The following ATP8A1 variants were observed in gnomAD, a reference collection of about 807,000 sequenced individuals.
ATP8A1 encodes ATPase phospholipid transporting 8A1.
In ATP8A1, 90 loss-of-function variants were observed where a neutral mutation model predicts 177.7. The observed-to-expected ratio is 0.51, with a 90% CI of 0.43 to 0.60. ATP8A1 has a LOEUF of 0.60. ATP8A1 is among the 20% of genes least tolerant of loss of function. The pLI is 0.00. For synonymous variants in ATP8A1, 493 were observed against 485.9 expected (o/e 1.01, Z -0.19); for missense variants, 1,072 against 1,392.8 (o/e 0.77, Z 3.67).
At chr4:42,545,919 A>T (rs1041104333) in intron 19 of ATP8A1, among the ~76,000 whole-genome samples, 3 of 152,140 alleles carry the variant, frequency 2.0e-5, no homozygotes, top group African/African-American at 7.2e-5. Context: ...GGTTGCAGTG[A>T]GCTGAGATCG....
chr4:42,552,736 C>G, intron 16 of ATP8A1, 126 bp from the exon 17 acceptor site: 1 of 636,848 alleles, frequency 1.6e-6, no homozygotes, highest in Non-Finnish European at 2.6e-6. Context: ...ACCTGTAATC[C>G]CAGCACTTTG....
chr4:42,555,842 C>CTAAA (rs145505019), intron 16 of ATP8A1, 126 bp downstream of exon 16: 169,689 of 574,384 alleles, frequency 0.3, 28,234 homozygotes, highest in East Asian at 0.38. Flanking sequence ...AACTAACTAA[C>CTAAA]TAAATAAATA....
chr4:42,588,996 G>C (rs10022112), intron 7 of ATP8A1, among the ~76,000 whole-genome samples: 84,542 of 152,028 alleles, frequency 0.56, 23,900 homozygotes, highest in South Asian at 0.66. Context: ...ACTAAAATCA[G>C]TCAGCTAGGC....
intron 25 of ATP8A1, among the ~76,000 whole-genome samples, chr4:42,473,819 TG>T (rs1486208396): frequency 1.4e-4 from 14 of 99,090 alleles, no homozygotes; most frequent in Non-Finnish European, 1.7e-4. Context: ...CTAATTTTTG[TG>T]TTTTTTTTTT....
At chr4:42,619,639 T>G (rs1225623914) in intron 4 of ATP8A1, among the ~76,000 whole-genome samples, 2 of 151,094 alleles carry the variant, frequency 1.3e-5, no homozygotes, top group Non-Finnish European at 3.0e-5. Flanking sequence ...TTTTAAAATT[T>G]TAAATCTATA....
intron 19 of ATP8A1, among the ~76,000 whole-genome samples, chr4:42,546,123 C>T (rs2153208074): frequency 6.6e-6 from 1 of 152,178 alleles, no homozygotes; most frequent in East Asian, 1.9e-4. Flanking sequence ...CTGTGAACCT[C>T]CTCTCATCTC....
At position 42,656,938 on chromosome 4, in the gene ATP8A1, G is replaced by T. The variant is rs1007177767; in HGVS notation, c.-65C>A. 1.6e-5 allele frequency: 23 copies of T among 1,425,028 alleles called. No homozygotes were observed. Among genetic ancestry groups the T allele is most frequent in the Middle Eastern group, 2.0e-4 (1 of 5,006 alleles). 88.3% of individuals were successfully genotyped at this position (1,425,028 alleles called of 1,614,324 possible). A position where few individuals can be genotyped will look rare whatever the true frequency, so the allele number is the denominator to read the frequency against. On this transcript the variant is annotated 5_prime_UTR_variant, in exon 1 of 37. Coordinates refer to ENST00000381668, the MANE Select transcript of ATP8A1 (RefSeq NM_006095.2). ...GCACCTGTCACGGCGTGGTACACGC[G>T]GGAGACCCGGCTGCGCCGCGCAGAG...
In ATP8A1 at chr4:42,419,977, C is replaced by T. The variant is rs995039743; in HGVS notation, c.3305+2830G>A. 5.3e-5 allele frequency among the ~76,000 whole-genome samples: 8 copies of T among 150,798 alleles called. No individual in the cohort carries two copies. In the South Asian group the frequency reaches 1.7e-3, roughly 32 times the overall value. ...GAGATTGTGCCATTGCACTCCAGCC[C>T]GGGTGACAGTGCAAGACTCCGTCTC... is the stretch of plus-strand genomic sequence containing the variant. On this transcript the variant is annotated intron_variant, in intron 35 of 36. Coordinates refer to ENST00000381668, the MANE Select transcript of ATP8A1 (RefSeq NM_006095.2).
chr4:42,425,610 A>T (rs902098106), intron 33 of ATP8A1, among the ~76,000 whole-genome samples: 1 of 152,132 alleles, frequency 6.6e-6, no homozygotes, highest in Non-Finnish European at 1.5e-5. Context: ...TCCTTTCTGT[A>T]TAAGAAAGCT....
intron 25 of ATP8A1, among the ~76,000 whole-genome samples, chr4:42,482,908 C>A (rs1721840902): frequency 6.6e-6 from 1 of 152,050 alleles, no homozygotes; most frequent in Admixed American, 6.6e-5. Context: ...GCCCATAAAG[C>A]CAGTATGAAC....
chr4:42,569,499 A>C (rs1392212012), intron 14 of ATP8A1, among the ~76,000 whole-genome samples: 2 of 152,210 alleles, frequency 1.3e-5, no homozygotes, highest in Admixed American at 6.5e-5. Flanking sequence ...GAATTATTTC[A>C]ACTTAGCAGT....
At position 42,575,703 on chromosome 4, in the gene ATP8A1, T is replaced by C. The variant is rs754294393; in HGVS notation, c.1129-4A>G. 18 of 1,610,730 alleles carry C rather than the reference T, an allele frequency of 1.1e-5. No individual in the cohort carries two copies. The African/African-American group carries it at 2.3e-4, about 20-fold the overall frequency. On this transcript the variant is annotated splice_polypyrimidine_tract_variant and splice_region_variant and intron_variant, in intron 12 of 36. Transcript: ENST00000381668. Reference sequence around the variant, plus strand: ...GTTCATAGTGCATGTCAAGATCCTTTAATAAAATTAAGTAAATCATTGAAC... The same window carrying C: ...GTTCATAGTGCATGTCAAGATCCTTCAATAAAATTAAGTAAATCATTGAAC...
At chr4:42,530,443 C>T (rs1727147972) in intron 20 of ATP8A1, among the ~76,000 whole-genome samples, 1 of 152,234 alleles carries the variant, frequency 6.6e-6, no homozygotes. Flanking sequence ...CCAAGACTAC[C>T]ATCTGTGGAC....
intron 30 of ATP8A1, among the ~76,000 whole-genome samples, chr4:42,448,691 C>A (rs1245059065): frequency 6.6e-6 from 1 of 151,118 alleles, no homozygotes; most frequent in Non-Finnish European, 1.5e-5. Context: ...AGCTACTAAG[C>A]CTGGCCAACA....
chr4:42,560,083 G>A (rs1416959500), intron 15 of ATP8A1, among the ~76,000 whole-genome samples: 1 of 152,158 alleles, frequency 6.6e-6, no homozygotes, highest in Non-Finnish European at 1.5e-5. Flanking sequence ...ATACTGTGGT[G>A]CATTTACAAA....
At chr4:42,416,046 G>T (rs1373303313) in intron 35 of ATP8A1, among the ~76,000 whole-genome samples, 1 of 152,180 alleles carries the variant, frequency 6.6e-6, no homozygotes, top group Non-Finnish European at 1.5e-5. Context: ...CAGCAGTTCT[G>T]CAAATAGTTG....
intron 20 of ATP8A1, among the ~76,000 whole-genome samples, chr4:42,530,667 T>C (rs1032955870): frequency 1.3e-5 from 2 of 152,198 alleles, no homozygotes; most frequent in Non-Finnish European, 2.9e-5. Context: ...AGCAGCTAGA[T>C]TGATAGAAGG....
At chr4:42,457,232 T>G (rs1718584954) in intron 27 of ATP8A1, among the ~76,000 whole-genome samples, 1 of 152,198 alleles carries the variant, frequency 6.6e-6, no homozygotes, top group South Asian at 2.1e-4. Context: ...CATCTTCACA[T>G]GAAGTGAAGT....
At chr4:42,543,763 G>T (rs1728624845) in intron 20 of ATP8A1, among the ~76,000 whole-genome samples, 154 bp downstream of exon 20, 1 of 152,142 alleles carries the variant, frequency 6.6e-6, no homozygotes, top group Non-Finnish European at 1.5e-5. Flanking sequence ...CATTTCACCA[G>T]AAGAGGCTGA....
Sources: allele counts gnomAD v4.1 joint callset (sites outside exome capture counted in the v4.1 genomes callset), GRCh38; gene constraint gnomAD v4.1.1; transcripts MANE v1.5; gene names NCBI Gene and HGNC (gene_info 2026-07-23, HGNC 2026-07-21).